FMNL3: variants seen among roughly 807,000 people sequenced by gnomAD.
The protein encoded by FMNL3 is formin like 3, also known as formin-like protein 3.
Under a neutral mutation model 119.6 loss-of-function variants are expected in FMNL3, and 57 were observed. That is an observed-to-expected ratio of 0.48 (90% CI 0.39 to 0.59). The LOEUF (loss-of-function observed/expected upper bound fraction) is 0.59. FMNL3 is among the 20% of genes least tolerant of loss of function. FMNL3 has a pLI of 0.00. For missense variants in FMNL3, 1,053 were observed against 1,323.5 expected (o/e 0.80, Z 3.17); for synonymous variants, 491 against 507.3 (o/e 0.97, Z 0.43).
At chr12:49,699,905 GAC>G (rs1294191089) in intron 1 of FMNL3, among the ~76,000 whole-genome samples, 25 of 152,208 alleles carry the variant, frequency 1.6e-4, no homozygotes, top group African/African-American at 6.0e-4. Context: ...GAGAAAGGTA[GAC>G]ACATATACTA....
In FMNL3 at chr12:49,642,589, C is replaced by T. The variant is rs1381582057; in HGVS notation, c.*3226G>A. The T allele has an allele frequency of 2.5e-6, 4 of 1,614,192 alleles. No homozygotes were observed. Among genetic ancestry groups the T allele is most frequent in the East Asian group, 2.2e-5 (1 of 44,886 alleles). ...GCTCTCCTCGTTCAAGGTCCGTGAG[C>T]GTTTTGTGTGTGACTCAGCCTTTGA... is the stretch of plus-strand genomic sequence containing the variant. On this transcript the variant is annotated 3_prime_UTR_variant, in exon 26 of 26. Coordinates refer to ENST00000335154, the MANE Select transcript of FMNL3 (RefSeq NM_175736.5). The surrounding 1 kb of genome is among the most constrained non-coding windows in gnomAD (Gnocchi z 5.8).
Position 49,651,283 on chromosome 12 carries a change from A to T in FMNL3, c.1682T>A (p.Ile561Asn). Residue 561 changes from isoleucine to asparagine, a missense_variant, in exon 16 of 26, where the codon ATT becomes AAT. Ile to Asn is a moderately radical substitution (Grantham distance 149). Around this residue, in one of 4 missense-constraint regions of FMNL3, gnomAD observed 445 missense variants for 628.4 expected, o/e 0.71. Transcript: ENST00000335154. Reference sequence around the variant, plus strand: ...GAACTTGGTCTTGATAGGTTTCTTAATTCGAATGGCTAATTTGGAAGGAGG... The same window carrying T: ...GAACTTGGTCTTGATAGGTTTCTTATTTCGAATGGCTAATTTGGAAGGAGG... Reference protein sequence around the residue: ...VLTVGLSAIRIKKPIKTKFRL... With the variant: ...VLTVGLSAIRNKKPIKTKFRL... 1 of 1,612,158 alleles carries T rather than the reference A, an allele frequency of 6.2e-7. No homozygotes were observed. Among genetic ancestry groups the T allele is most frequent in the Non-Finnish European group, 8.5e-7 (1 of 1,178,336 alleles).
chr12:49,686,540 T>C (rs923789484), intron 1 of FMNL3, among the ~76,000 whole-genome samples: 8 of 139,602 alleles, frequency 5.7e-5, no homozygotes, highest in Non-Finnish European at 1.1e-4. Flanking sequence ...ATTCCGCCAC[T>C]GCACTCCAGC....
Position 49,647,219 on chromosome 12 carries a change from C to T in FMNL3, c.2871+57G>A. ...TCATCTCCTCTAGCCTTCTGACCCC[C>T]AGCCCCCACTCTTTTGCCTTGTCGT... is the stretch of plus-strand genomic sequence containing the variant. On this transcript the variant is annotated intron_variant, in intron 24 of 25. Coordinates refer to ENST00000335154, the MANE Select transcript of FMNL3 (RefSeq NM_175736.5). This position sits in a 1 kb window ranked among gnomAD's most constrained non-coding sequence, Gnocchi z 4.9. 6.2e-7 allele frequency: 1 copy of T among 1,601,700 alleles called. No individual in the cohort carries two copies.
chr12:49,642,458 C>T lies in FMNL3; in HGVS notation c.*3357G>A. 1 of 1,575,770 alleles carries T rather than the reference C, an allele frequency of 6.3e-7. No individual in the cohort carries two copies. The highest frequency in any genetic ancestry group is 8.7e-7 in the Non-Finnish European group (1 of 1,148,204). On this transcript the variant is annotated 3_prime_UTR_variant, in exon 26 of 26. Coordinates refer to ENST00000335154, the MANE Select transcript of FMNL3 (RefSeq NM_175736.5). This position sits in a 1 kb window ranked among gnomAD's most constrained non-coding sequence, Gnocchi z 5.8. ...CTGAGGGCCCACCCCAGTCACGTCACAGCCCTGGGCCAGCTCCAGTTCCCT... is the reference window on the plus strand; with the variant it reads ...CTGAGGGCCCACCCCAGTCACGTCATAGCCCTGGGCCAGCTCCAGTTCCCT...
rs59799899 is a variant in FMNL3, at chr12:49,704,710, CAAAAAAAAAA to C, written c.126+2335_126+2344del. 5.5e-4 allele frequency among the ~76,000 whole-genome samples: 21 copies of C among 37,848 alleles called. No individual in the cohort carries two copies. In the South Asian group the frequency reaches 0.018, roughly 32 times the overall value. The allele number at this position is 37,848 out of a possible 152,430, so 24.8% of individuals were successfully genotyped here. On this transcript the variant is annotated intron_variant, in intron 1 of 25. Transcript: ENST00000335154. ...TGGATGACAGAGCCAAACTCCATCTCAAAAAAAAAAAAAAAAAAAAAAAAAAGAAGCTAAT... is the reference window on the plus strand; with the variant it reads ...TGGATGACAGAGCCAAACTCCATCTCAAAAAAAAAAAAAAAAGAAGCTAAT...
rs888631251 is a variant in FMNL3, at chr12:49,641,657, A to G, written c.*4158T>C. 2 of 486,878 alleles carry G rather than the reference A, an allele frequency of 4.1e-6. No individual in the cohort carries two copies. The highest frequency in any genetic ancestry group is 3.7e-6 in the Non-Finnish European group (1 of 273,626). The allele number at this position is 486,878 out of a possible 1,614,324, so 30.2% of individuals were successfully genotyped here. A position where few individuals can be genotyped will look rare whatever the true frequency, so the allele number is the denominator to read the frequency against. ...AAAAGTTAATTTTGAGAAACTCAGC[A>G]TTAATCAGCAGTTGGGAGACATCTC... On this transcript the variant is annotated 3_prime_UTR_variant, in exon 26 of 26. Transcript: ENST00000335154.
Position 49,646,644 on chromosome 12 carries a change from G to T in FMNL3, c.2995+242C>A. On this transcript the variant is annotated intron_variant, in intron 25 of 25. Coordinates refer to ENST00000335154, the MANE Select transcript of FMNL3 (RefSeq NM_175736.5). The stretch of plus-strand genomic sequence containing the variant: ...GCAGCTGCGGTGCCCAGTACCTGTC[G>T]GGCCCCAACCTTGGGGGCTAACAGT... 5 of 1,526,278 alleles carry T rather than the reference G, an allele frequency of 3.3e-6. No individual in the cohort carries two copies. The South Asian group carries it at 6.1e-5, about 19-fold the overall frequency. 94.5% of individuals were successfully genotyped at this position (1,526,278 alleles called of 1,614,324 possible). A position where few individuals can be genotyped will look rare whatever the true frequency, so the allele number is the denominator to read the frequency against.
chr12:49,680,873 C>T (rs1033617275), intron 1 of FMNL3, among the ~76,000 whole-genome samples: 2 of 152,194 alleles, frequency 1.3e-5, no homozygotes, highest in Non-Finnish European at 2.9e-5. Flanking sequence ...CAGAAAGTAG[C>T]AGGACCCAAA....
chr12:49,657,148 G>A lies in FMNL3; in HGVS notation c.648C>T (p.Arg216=), dbSNP rs908452574. 10 of 1,614,142 alleles carry A rather than the reference G, an allele frequency of 6.2e-6. No individual in the cohort carries two copies. The highest frequency in any genetic ancestry group is 1.3e-5 in the African/African-American group (1 of 75,012). ...LPGRRALKNS[R]LVSQKDDVHV... ...GGACGTCATCCTTCTGGCTCACTAG[G>A]CGGGAGTTCTTCAGGGCCCTGCGCC... is the stretch of plus-strand genomic sequence containing the variant. Residue 216 remains arginine (R), a synonymous_variant, in exon 7 of 26, where the codon CGC becomes CGT. Coordinates refer to ENST00000335154, the MANE Select transcript of FMNL3 (RefSeq NM_175736.5).
At position 49,644,559 on chromosome 12, in the gene FMNL3, G is replaced by A. The variant is rs542864871; in HGVS notation, c.*1256C>T. Reference sequence around the variant, plus strand: ...TCATCACCCTCTAGCATCAGTGCCTGCTCCTGCCTGCCCTGGCCCTGAGGC... The same window carrying A: ...TCATCACCCTCTAGCATCAGTGCCTACTCCTGCCTGCCCTGGCCCTGAGGC... On this transcript the variant is annotated 3_prime_UTR_variant, in exon 26 of 26. Coordinates refer to ENST00000335154, the MANE Select transcript of FMNL3 (RefSeq NM_175736.5). 1.6e-4 allele frequency: 44 copies of A among 268,552 alleles called. No individual in the cohort carries two copies. Among genetic ancestry groups the A allele is most frequent in the Non-Finnish European group, 2.9e-4 (39 of 135,808 alleles). The allele number at this position is 268,552 out of a possible 1,614,324, so 16.6% of individuals were successfully genotyped here. A position where few individuals can be genotyped will look rare whatever the true frequency, so the allele number is the denominator to read the frequency against.
chr12:49,648,012 GCT>G (rs901340761), intron 22 of FMNL3, among the ~76,000 whole-genome samples, 179 bp downstream of exon 22: 38 of 151,198 alleles, frequency 2.5e-4, no homozygotes, highest in Non-Finnish European at 3.4e-4. Context: ...CTCCCAAAGC[GCT>G]CTCTCTCCCC....
chr12:49,692,297 T>G (rs1218414967), intron 1 of FMNL3, among the ~76,000 whole-genome samples: 1 of 151,762 alleles, frequency 6.6e-6, no homozygotes, highest in African/African-American at 2.4e-5. Context: ...ACTACTGCAC[T>G]CTGAGCTAGG....
At position 49,647,409 on chromosome 12, in the gene FMNL3, T is replaced by C. The variant is rs1480466663; in HGVS notation, c.2779-41A>G. On this transcript the variant is annotated intron_variant, in intron 23 of 25. Coordinates refer to ENST00000335154, the MANE Select transcript of FMNL3 (RefSeq NM_175736.5). This position sits in a 1 kb window ranked among gnomAD's most constrained non-coding sequence, Gnocchi z 4.9. Reference sequence around the variant, plus strand: ...GATGGGGGGTGGGGAGTGAGGCTCATAGGCTGTGAGGGGAGGGGCTGACAC... The same window carrying C: ...GATGGGGGGTGGGGAGTGAGGCTCACAGGCTGTGAGGGGAGGGGCTGACAC... 6.3e-7 allele frequency: 1 copy of C among 1,587,752 alleles called. No homozygotes were observed. The highest frequency in any genetic ancestry group is 8.6e-7 in the Non-Finnish European group (1 of 1,163,060).
intron 1 of FMNL3, among the ~76,000 whole-genome samples, chr12:49,693,387 GTTT>G (rs543275740): frequency 6.8e-6 from 1 of 147,786 alleles, no homozygotes; most frequent in African/African-American, 2.5e-5. Context: ...ACTTTTTGTT[GTTT>G]TTTTTTTGAG....
intron 1 of FMNL3, among the ~76,000 whole-genome samples, chr12:49,670,452 A>C (rs548671183): frequency 1.3e-5 from 2 of 152,320 alleles, no homozygotes; most frequent in East Asian, 3.9e-4. Flanking sequence ...TAATAAACTT[A>C]TGTGGAAGAG....
chr12:49,650,287 C>T (rs1943355749), intron 17 of FMNL3, among the ~76,000 whole-genome samples: 1 of 152,182 alleles, frequency 6.6e-6, no homozygotes, highest in African/African-American at 2.4e-5. Context: ...TATGCTTCTC[C>T]CTCCAGGCCC....
rs757670241 is a variant in FMNL3, at chr12:49,645,890, C to A, written c.3009G>T (p.Gln1003His). 17 of 1,612,166 alleles carry A rather than the reference C, an allele frequency of 1.1e-5. No individual in the cohort carries two copies. The highest frequency in any genetic ancestry group is 1.4e-5 in the Non-Finnish European group (16 of 1,179,224). ...IEDIITGLHCQPMVVRHQARS... is the reference protein window; with the variant it reads ...IEDIITGLHCHPMVVRHQARS... ...TGGCTTGGTGGCGAACAACCATAGG[C>A]TGGCAGTGGAGGCCTGTGGGGGAAG... Residue 1003 changes from glutamine (Q) to histidine (H), a missense_variant, in exon 26 of 26, where the codon CAG becomes CAT. Gln to His is a conservative substitution (Grantham distance 24, BLOSUM62 0). Coordinates refer to ENST00000335154, the MANE Select transcript of FMNL3 (RefSeq NM_175736.5).
rs966355590 is a variant in FMNL3 at position 49,698,290 on chromosome 12, G to A, written c.126+8765C>T. On this transcript the variant is annotated intron_variant, in intron 1 of 25. Coordinates refer to ENST00000335154, the MANE Select transcript of FMNL3 (RefSeq NM_175736.5). Reference sequence around the variant, plus strand: ...CATAACTCTGGGTGAGGGGGGATAAGGTGGTAAAAGAGATGGACGTGGGGG... The same window carrying A: ...CATAACTCTGGGTGAGGGGGGATAAAGTGGTAAAAGAGATGGACGTGGGGG... 2.0e-4 allele frequency among the ~76,000 whole-genome samples: 31 copies of A among 152,158 alleles called. No individual in the cohort carries two copies. The East Asian group carries it at 6.0e-3, about 29-fold the overall frequency.
Sources: gnomAD v4.1 joint callset for allele counts (sites outside exome capture counted in the v4.1 genomes callset) on GRCh38, gnomAD v4.1.1 for gene constraint, gnomAD v4.1.1 regional missense constraint, Gnocchi (gnomAD v3.1) non-coding constraint, MANE v1.5 for transcripts, NCBI Gene and HGNC (gene_info 2026-07-23, HGNC 2026-07-21) for gene names.